ORC5: variants seen among roughly 807,000 people sequenced by gnomAD.
The protein encoded by ORC5 is protein phosphatase 1, regulatory subunit 117.
A neutral mutation model predicts 58.8 loss-of-function variants in ORC5; 39 were observed. The ratio of observed to expected loss-of-function variants is 0.66; its 90% confidence interval spans 0.51 to 0.87. ORC5 has a LOEUF of 0.87. Ranked by LOEUF, ORC5 falls within the 40% of genes least tolerant of loss-of-function variation. The pLI is 0.00. For missense variants in ORC5, 493 were observed against 506.3 expected, an observed-to-expected ratio of 0.97 and a Z score of 0.25; for synonymous variants, 218 against 177.6, an observed-to-expected ratio of 1.23 and a Z score of -1.81.
At chr7:104,137,878 C>T (rs1028558832) in intron 12 of ORC5, among the ~76,000 whole-genome samples, 1 of 152,196 alleles carries the variant, frequency 6.6e-6, no homozygotes, top group South Asian at 2.1e-4. Flanking sequence ...TACAGCAAGG[C>T]AAGAACTAAG....
At chr7:104,196,877 T>C (rs1429193705) in intron 4 of ORC5, among the ~76,000 whole-genome samples, 1 of 152,192 alleles carries the variant, frequency 6.6e-6, no homozygotes, top group Non-Finnish European at 1.5e-5. Context: ...TAAATCTTTA[T>C]TCCCTTTATG....
intron 6 of ORC5, among the ~76,000 whole-genome samples, chr7:104,185,554 C>T (rs12705191): frequency 0.43 from 64,632 of 151,942 alleles, 16,083 homozygotes; most frequent in Non-Finnish European, 0.57. Context: ...GCACTACCTG[C>T]GATTGTTATA....
intron 1 of ORC5, 137 bp from the exon 2 acceptor site, chr7:104,204,371 TCAACACA>T: frequency 1.6e-6 from 1 of 613,542 alleles, no homozygotes; most frequent in Non-Finnish European, 3.0e-6. Flanking sequence ...TGTGGATGCA[TCAACACA>T]CTTTGAACCT....
At chr7:104,168,183 AT>A (rs1198253922) in intron 9 of ORC5, 1 of 731,694 alleles carries the variant, frequency 1.4e-6, no homozygotes, top group Non-Finnish European at 1.8e-6. Flanking sequence ...CTGTCACATA[AT>A]TAGATTGCTT....
chr7:104,136,087 T>C lies in ORC5; in HGVS notation c.1262+694A>G, dbSNP rs1289366835. Among the ~76,000 whole-genome samples, 1 of 152,212 alleles carries C rather than the reference T, an allele frequency of 6.6e-6. No individual in the cohort carries two copies. Among genetic ancestry groups the C allele is most frequent in the Non-Finnish European group, 1.5e-5 (1 of 68,046 alleles). On this transcript the variant is annotated intron_variant, in intron 13 of 13. Transcript: ENST00000297431. The surrounding 1 kb of genome is among the most constrained non-coding windows in gnomAD (Gnocchi z 4.2). ...ACAGCTTTCATTTTGACAAATGTAC[T>C]TTCTTCCCCAGAACTTCTAACATTC...
rs1414504345 is a variant in ORC5, at chr7:104,133,861, C to CA, written c.1262+2919dup. ...GAGAGTTTTAAGAAAGAGTAGCCAA[C>CA]AGTGTCAGGTGCCACTGAGAGGACA... On this transcript the variant is annotated intron_variant, in intron 13 of 13. Transcript: ENST00000297431. This position sits in a 1 kb window ranked among gnomAD's most constrained non-coding sequence, Gnocchi z 4.7. 6.6e-6 allele frequency among the ~76,000 whole-genome samples: 1 copy of CA among 152,122 alleles called. No individual in the cohort carries two copies. Among genetic ancestry groups the CA allele is most frequent in the Non-Finnish European group, 1.5e-5 (1 of 68,038 alleles).
chr7:104,195,998 T>C (rs1799792525), intron 4 of ORC5, among the ~76,000 whole-genome samples: 1 of 152,214 alleles, frequency 6.6e-6, no homozygotes, highest in South Asian at 2.1e-4. Flanking sequence ...TGAGAAATGC[T>C]TTTGCCAGAT....
chr7:104,139,279 AAGT>A (rs1435979248), intron 12 of ORC5, among the ~76,000 whole-genome samples: 1 of 152,226 alleles, frequency 6.6e-6, no homozygotes, highest in Non-Finnish European at 1.5e-5. Context: ...GCTTGGTATT[AAGT>A]ACTCTATACA....
Position 104,166,877 on chromosome 7 carries a change from T to C in ORC5, c.885A>G (p.Ser295=), listed in dbSNP as rs756074156. The C allele has an allele frequency of 6.3e-7, 1 of 1,583,632 alleles. No individual in the cohort carries two copies. Among genetic ancestry groups the C allele is most frequent in the South Asian group, 1.1e-5 (1 of 89,208 alleles). Residue 295 remains serine, a synonymous_variant, in exon 10 of 14, where the codon TCA becomes TCG. Coordinates refer to ENST00000297431, the MANE Select transcript of ORC5 (RefSeq NM_002553.4). ...ATGGAAGTTCCACATGAGTATGCGC[T>C]GAGAGGCCTATATAACAAAACACTT... ...DTDPGQLKGL[S]AHTHVELPYY...
At chr7:104,174,096 G>A (rs539014012) in intron 8 of ORC5, among the ~76,000 whole-genome samples, 1 of 151,800 alleles carries the variant, frequency 6.6e-6, no homozygotes, top group Non-Finnish European at 1.5e-5. Context: ...CGCCCGCCTC[G>A]GCCTCCCAAA....
chr7:104,157,516 C>T (rs1043364420), intron 12 of ORC5, among the ~76,000 whole-genome samples: 4 of 151,952 alleles, frequency 2.6e-5, no homozygotes, highest in Non-Finnish European at 4.4e-5. Context: ...AATTTAACTT[C>T]ATTAACAGAC....
intron 13 of ORC5, among the ~76,000 whole-genome samples, chr7:104,134,150 G>A (rs374754915): frequency 3.2e-4 from 48 of 152,042 alleles, no homozygotes; most frequent in Non-Finnish European, 3.1e-4. Context: ...GGCTGGGCGC[G>A]GTGGCTCACA....
At chr7:104,164,206 G>A (rs533139371) in intron 11 of ORC5, among the ~76,000 whole-genome samples, 99 of 152,232 alleles carry the variant, frequency 6.5e-4, no homozygotes, top group African/African-American at 2.3e-3. Flanking sequence ...GATCATTTGA[G>A]ACCAGCCTCG....
intron 12 of ORC5, among the ~76,000 whole-genome samples, chr7:104,142,168 GA>G (rs1301446877): frequency 1.3e-5 from 2 of 152,086 alleles, no homozygotes; most frequent in East Asian, 1.9e-4. Context: ...AATGGTACTG[GA>G]AATATTGGAT....
At chr7:104,174,635 T>C (rs1157963587) in intron 8 of ORC5, among the ~76,000 whole-genome samples, 3 of 152,144 alleles carry the variant, frequency 2.0e-5, no homozygotes, top group Admixed American at 6.5e-5. Context: ...TCGCTAATAA[T>C]TGGTCACAGC....
intron 2 of ORC5, chr7:104,202,456 C>T (rs1358148423): frequency 2.3e-6 from 1 of 440,784 alleles, no homozygotes; most frequent in South Asian, 1.6e-5. Context: ...AAGTCCACAA[C>T]ATCTCTGTTA....
At chr7:104,181,822 G>A (rs1252695967) in intron 8 of ORC5, among the ~76,000 whole-genome samples, 5 of 150,820 alleles carry the variant, frequency 3.3e-5, no homozygotes, top group African/African-American at 4.9e-5. Flanking sequence ...AATGTGCACA[G>A]AATTGCCTGG....
intron 12 of ORC5, among the ~76,000 whole-genome samples, chr7:104,148,651 T>A (rs1044330476): frequency 7.2e-5 from 11 of 152,194 alleles, no homozygotes; most frequent in Non-Finnish European, 1.0e-4. Context: ...TAATGTGGAA[T>A]TGATTTAACC....
At chr7:104,188,175 C>T (rs575118026) in intron 6 of ORC5, 76 bp downstream of exon 6, 1 of 1,040,210 alleles carries the variant, frequency 9.6e-7, no homozygotes, top group Admixed American at 2.4e-5. Context: ...CATTAAAATA[C>T]ATATATACAC....
Sources: gnomAD v4.1 joint callset for allele counts (sites outside exome capture counted in the v4.1 genomes callset) on GRCh38, gnomAD v4.1.1 for gene constraint, Gnocchi (gnomAD v3.1) non-coding constraint, MANE v1.5 for transcripts, NCBI Gene and HGNC (gene_info 2026-07-23, HGNC 2026-07-21) for gene names.